Variants in NINL observed in about 807,000 individuals in gnomAD.
NINL encodes the protein ninein like, also known as ninein-like protein.
Under a neutral mutation model 160.3 loss-of-function variants are expected in NINL, and 153 were observed. That is an observed-to-expected ratio of 0.95 (90% confidence interval 0.84 to 1.09). The LOEUF is 1.09. NINL is among the 50% of genes least tolerant of loss of function. The pLI, the probability that NINL is intolerant of heterozygous loss-of-function variation, is 0.00. For synonymous variants in NINL, 800 were observed against 734.8 expected, an observed-to-expected ratio of 1.09 and a Z score of -1.43; for missense variants, 1,829 against 1,764.0, an observed-to-expected ratio of 1.04 and a Z score of -0.66.
rs142176729 is a variant in NINL at position 25,479,039 on chromosome 20, C to T, written c.2085G>A (p.Glu695=). The T allele has an allele frequency of 2.4e-5, 39 of 1,611,242 alleles. No individual in the cohort carries two copies. The Middle Eastern group carries it at 4.9e-4, about 20-fold the overall frequency. Reference sequence around the variant, plus strand: ...GGCCGCGGGCTGTGTCCTGCAGCTGCTCCTGCAGGCCCCAGATGACCTCCT... The same window carrying T: ...GGCCGCGGGCTGTGTCCTGCAGCTGTTCCTGCAGGCCCCAGATGACCTCCT... ...KSQEVIWGLQ[E]QLQDTARGPE... Residue 695 remains glutamate, a synonymous_variant, in exon 16 of 24, where the codon GAG becomes GAA. Coordinates refer to ENST00000278886, the MANE Select transcript of NINL (RefSeq NM_025176.6).
chr20:25,536,570 T>C (rs887974786), intron 1 of NINL, among the ~76,000 whole-genome samples: 1 of 152,024 alleles, frequency 6.6e-6, no homozygotes, highest in African/African-American at 2.4e-5. Flanking sequence ...AATACAAACA[T>C]TAGCTGGGCA....
chr20:25,581,289 C>T (rs886903815), intron 1 of NINL, among the ~76,000 whole-genome samples: 2 of 152,062 alleles, frequency 1.3e-5, no homozygotes, highest in Non-Finnish European at 2.9e-5. Flanking sequence ...ACTAAAAATA[C>T]AAAAATTAGC....
intron 15 of NINL, among the ~76,000 whole-genome samples, chr20:25,479,696 C>T (rs2063345867): frequency 6.6e-6 from 1 of 152,216 alleles, no homozygotes; most frequent in Non-Finnish European, 1.5e-5. Context: ...AAGTCATGGA[C>T]ACTGTCCCTC....
rs775954970 is a variant in NINL, at chr20:25,479,189, C to T, written c.1935G>A (p.Arg645=). The change falls in exon 16 of 24, where the codon AGG becomes AGA. Residue 645 remains arginine (R), a synonymous_variant. Coordinates refer to ENST00000278886, the MANE Select transcript of NINL (RefSeq NM_025176.6). ...QLETKVNYYE[R]EIAALKRNFE... is the part of the protein sequence containing the mutation. ...AGTTCCTTTTCAGTGCCGCAATTTC[C>T]CTTTCGTAGTAATTTACCTAAAACG... The T allele has an allele frequency of 6.2e-7, 1 of 1,607,464 alleles. No individual in the cohort carries two copies. The highest frequency in any genetic ancestry group is 2.2e-5 in the East Asian group (1 of 44,718).
At position 25,495,805 on chromosome 20, in the gene NINL, G is replaced by T. The variant is rs549528031; in HGVS notation, c.1310+858C>A. Among the ~76,000 whole-genome samples, 5 of 152,332 alleles carry T rather than the reference G, an allele frequency of 3.3e-5. No homozygotes were observed. The South Asian group carries it at 1.0e-3, about 32-fold the overall frequency. On this transcript the variant is annotated intron_variant, in intron 10 of 23. Coordinates refer to ENST00000278886, the MANE Select transcript of NINL (RefSeq NM_025176.6). ...CCTCTTGGGCGGAATTTCCTCAGAT[G>T]TTCTGTTTGTGAACCAGTGCGGTGG...
intron 1 of NINL, among the ~76,000 whole-genome samples, chr20:25,543,233 G>T (rs1035363681): frequency 2.0e-5 from 3 of 151,860 alleles, no homozygotes; most frequent in African/African-American, 7.3e-5. Context: ...CAGCAAAATT[G>T]CAGGATACAA....
At position 25,557,447 on chromosome 20, in the gene NINL, CT is replaced by C. The variant is rs549839088; in HGVS notation, c.-12+28007del. Among the ~76,000 whole-genome samples, 64 of 152,104 alleles carry C rather than the reference CT, an allele frequency of 4.2e-4. No individual in the cohort carries two copies. The East Asian group carries it at 0.012, about 28-fold the overall frequency. On this transcript the variant is annotated intron_variant, in intron 1 of 23. Coordinates refer to ENST00000278886, the MANE Select transcript of NINL (RefSeq NM_025176.6). ...TCGGGAAGCCAAGGGAGGTGAATTTCTTGAACCCAGGAGGCGGAGGCTTCAG... is the reference window on the plus strand; with the variant it reads ...TCGGGAAGCCAAGGGAGGTGAATTTCTGAACCCAGGAGGCGGAGGCTTCAG...
intron 8 of NINL, among the ~76,000 whole-genome samples, chr20:25,498,582 C>G (rs1221996641): frequency 6.6e-6 from 1 of 152,212 alleles, no homozygotes; most frequent in African/African-American, 2.4e-5. Context: ...TGCGTAGGCC[C>G]AGGCTAGACA....
Position 25,500,061 on chromosome 20 carries a change from G to A in NINL, c.1032+779C>T, listed in dbSNP as rs2063837929. Among the ~76,000 whole-genome samples the A allele has an allele frequency of 5.3e-5, 8 of 151,996 alleles. 1 individual carries two copies. The South Asian group carries it at 1.7e-3, about 31-fold the overall frequency. On this transcript the variant is annotated intron_variant, in intron 8 of 23. Transcript: ENST00000278886. ...CACCAACAGCTGTCGCCCCCTCCAG[G>A]GAATAGGGAGAGGGGGGCAGGTAGG... is the stretch of plus-strand genomic sequence containing the variant.
intron 10 of NINL, among the ~76,000 whole-genome samples, chr20:25,491,763 G>A (rs897571784): frequency 2.0e-5 from 3 of 152,248 alleles, no homozygotes; most frequent in African/African-American, 7.2e-5. Context: ...CATGGCAAAT[G>A]CCACCAGCTG....
chr20:25,529,696 T>C (rs553525921), intron 1 of NINL, among the ~76,000 whole-genome samples: 3 of 152,198 alleles, frequency 2.0e-5, no homozygotes, highest in East Asian at 3.9e-4. Flanking sequence ...AAGAACTAGC[T>C]GGGCGTGGTG....
At chr20:25,558,246 C>T (rs541262452) in intron 1 of NINL, among the ~76,000 whole-genome samples, 8 of 152,306 alleles carry the variant, frequency 5.3e-5, no homozygotes, top group African/African-American at 4.8e-5. Flanking sequence ...CTTGCTCTGT[C>T]GCCTAGGCTA....
At chr20:25,534,800 T>C (rs1444377690) in intron 1 of NINL, among the ~76,000 whole-genome samples, 3 of 152,256 alleles carry the variant, frequency 2.0e-5, no homozygotes, top group African/African-American at 7.2e-5. Flanking sequence ...TAAAATGATG[T>C]AGTATTTGCC....
intron 13 of NINL, among the ~76,000 whole-genome samples, chr20:25,484,630 C>T (rs1309072741): frequency 6.6e-6 from 1 of 152,188 alleles, no homozygotes; most frequent in Non-Finnish European, 1.5e-5. Context: ...TGAGTCCATA[C>T]CAGTGATTGG....
intron 19 of NINL, 180 bp from the exon 20 acceptor site, chr20:25,462,721 C>T (rs2062822558): frequency 1.8e-6 from 1 of 559,074 alleles, no homozygotes; most frequent in Non-Finnish European, 3.1e-6. Flanking sequence ...GTGGCACATT[C>T]ATGGTTCACT....
intron 1 of NINL, among the ~76,000 whole-genome samples, chr20:25,581,737 G>A (rs1420965921): frequency 6.6e-6 from 1 of 152,172 alleles, no homozygotes; most frequent in Non-Finnish European, 1.5e-5. Context: ...CACTGTAAAA[G>A]GGGAAGCTAC....
At chr20:25,466,538 A>G (rs1266531118) in intron 19 of NINL, among the ~76,000 whole-genome samples, 1 of 152,056 alleles carries the variant, frequency 6.6e-6, no homozygotes. Flanking sequence ...AGTGGCTCAC[A>G]CCTATAATCC....
chr20:25,473,611 G>T (rs2063159156), intron 17 of NINL, among the ~76,000 whole-genome samples: 1 of 151,636 alleles, frequency 6.6e-6, no homozygotes, highest in Non-Finnish European at 1.5e-5. Flanking sequence ...ATCACTTGAG[G>T]CCAGGAGTTC....
At chr20:25,475,916 C>T in intron 17 of NINL, 127 bp downstream of exon 17, 8 of 953,594 alleles carry the variant, frequency 8.4e-6, no homozygotes, top group Non-Finnish European at 1.2e-5. Flanking sequence ...GCTACACAGC[C>T]CCCATCAGGG....
Sources: allele counts gnomAD v4.1 joint callset (sites outside exome capture counted in the v4.1 genomes callset), GRCh38; gene constraint gnomAD v4.1.1; transcripts MANE v1.5; gene names NCBI Gene and HGNC (gene_info 2026-07-23, HGNC 2026-07-21).